GALM: variants seen among roughly 807,000 people sequenced by gnomAD.
The protein encoded by GALM is galactose mutarotase, also known as aldose 1-epimerase.
GALM carries 43 observed loss-of-function variants against 37.4 expected under a neutral mutation model. The ratio of observed to expected loss-of-function variants is 1.15; its 90% CI spans 0.90 to 1.48. The LOEUF is 1.48. Ranked by LOEUF, GALM falls within the 40% of genes most tolerant of loss-of-function variation. The probability of loss-of-function intolerance (pLI) is 0.00; values close to 1 mark genes in which losing one functional copy is unlikely to be tolerated. For missense variants in GALM, 456 were observed against 419.1 expected, an observed-to-expected ratio of 1.09 and a Z score of -0.77; for synonymous variants, 199 against 170.6, an observed-to-expected ratio of 1.17 and a Z score of -1.30.
intron 4 of GALM, among the ~76,000 whole-genome samples, chr2:38,704,746 T>C (rs1384534186): frequency 1.3e-5 from 2 of 151,958 alleles, no homozygotes; most frequent in East Asian, 1.9e-4. Context: ...ACTCATGACA[T>C]TGGACCCTAT....
intron 1 of GALM, among the ~76,000 whole-genome samples, chr2:38,672,667 T>C (rs551980663): frequency 8.2e-4 from 125 of 152,276 alleles, no homozygotes; most frequent in African/African-American, 3.0e-3. Context: ...TTTCCACATC[T>C]GTAAATTGGG....
intron 4 of GALM, among the ~76,000 whole-genome samples, chr2:38,690,462 G>T (rs1363144839): frequency 6.6e-6 from 1 of 151,848 alleles, no homozygotes; most frequent in African/African-American, 2.4e-5. Context: ...GAGGGGATAG[G>T]GTCTCATTCT....
chr2:38,679,902 C>T (rs1665353976), intron 2 of GALM, among the ~76,000 whole-genome samples: 2 of 152,148 alleles, frequency 1.3e-5, no homozygotes, highest in South Asian at 2.1e-4. Flanking sequence ...GATAAGTGTT[C>T]GTTTTCCCTT....
chr2:38,728,096 A>T (rs1013127113), intron 4 of GALM, among the ~76,000 whole-genome samples: 3 of 152,170 alleles, frequency 2.0e-5, no homozygotes, highest in Non-Finnish European at 4.4e-5. Context: ...CTCTGGGACT[A>T]TAAGAAAACT....
intron 1 of GALM, among the ~76,000 whole-genome samples, chr2:38,671,705 T>C (rs1665109653): frequency 6.6e-6 from 1 of 152,218 alleles, no homozygotes; most frequent in Non-Finnish European, 1.5e-5. Flanking sequence ...TTAAAAACTA[T>C]TCCTCCAGGG....
chr2:38,702,358 T>TA (rs1328147800), intron 4 of GALM, among the ~76,000 whole-genome samples: 6 of 149,542 alleles, frequency 4.0e-5, no homozygotes, highest in Non-Finnish European at 5.9e-5. Context: ...TTTTAAAACT[T>TA]AAAAAAAAAA....
intron 1 of GALM, among the ~76,000 whole-genome samples, chr2:38,673,762 A>G (rs563378071): frequency 6.7e-6 from 1 of 149,654 alleles, no homozygotes; most frequent in African/African-American, 2.5e-5. Flanking sequence ...GTGAGTTGAG[A>G]TCGTGCCACT....
At chr2:38,666,808 C>T (rs7590835) in intron 1 of GALM, among the ~76,000 whole-genome samples, 35,947 of 152,008 alleles carry the variant, frequency 0.24, 6,268 homozygotes, top group African/African-American at 0.48. Flanking sequence ...TCTTTGAGGC[C>T]TGGTTGTCTC....
chr2:38,667,556 C>G (rs1190342480), intron 1 of GALM, among the ~76,000 whole-genome samples: 2 of 147,408 alleles, frequency 1.4e-5, no homozygotes, highest in African/African-American at 5.0e-5. Flanking sequence ...GGTGGCAGAG[C>G]GAAACTCTAT....
intron 5 of GALM, among the ~76,000 whole-genome samples, chr2:38,730,498 C>T (rs867630415): frequency 2.0e-4 from 30 of 152,102 alleles, no homozygotes; most frequent in African/African-American, 7.0e-4. Flanking sequence ...AACTCCTGAC[C>T]TTGTAATCCA....
chr2:38,700,408 G>A (rs1401866651), intron 4 of GALM, among the ~76,000 whole-genome samples: 7 of 152,032 alleles, frequency 4.6e-5, no homozygotes, highest in Non-Finnish European at 1.0e-4. Context: ...GTATCTGGGC[G>A]CTCCAGTGTT....
intron 1 of GALM, among the ~76,000 whole-genome samples, 175 bp downstream of exon 1, chr2:38,666,526 G>C (rs1664942730): frequency 1.3e-5 from 2 of 152,196 alleles, no homozygotes; most frequent in African/African-American, 4.8e-5. Context: ...CCAGCATTTG[G>C]GAAAAACTGT....
chr2:38,672,301 GA>G (rs200755719), intron 1 of GALM, among the ~76,000 whole-genome samples: 2,063 of 152,100 alleles, frequency 0.014, 49 homozygotes, highest in African/African-American at 0.047. Context: ...TTGTTTTTTA[GA>G]AAAAAAATTC....
In GALM at chr2:38,729,675, A is replaced by G. The variant is rs763330082; in HGVS notation, c.754A>G (p.Lys252Glu). Residue 252 changes from lysine to glutamate, a missense_variant, in exon 5 of 7, where the codon AAA becomes GAA. Transcript: ENST00000272252. ...FDHNFCLKGS[K>E]EKHFCARVHH... is the part of the protein sequence containing the mutation. ...CCACAATTTCTGTCTGAAGGGATCT[A>G]AAGAAAAGCATTTTTGTGCAAGGTC... 6.2e-7 allele frequency: 1 copy of G among 1,613,258 alleles called. No homozygotes were observed. Among genetic ancestry groups the G allele is most frequent in the South Asian group, 1.1e-5 (1 of 91,026 alleles).
chr2:38,726,550 A>T (rs1303234110), intron 4 of GALM, among the ~76,000 whole-genome samples: 1 of 152,046 alleles, frequency 6.6e-6, no homozygotes, highest in African/African-American at 2.4e-5. Flanking sequence ...TAATCCCAAC[A>T]CAATGCTGTA....
At chr2:38,732,742 G>A (rs1029988427) in intron 6 of GALM, among the ~76,000 whole-genome samples, 5 of 151,430 alleles carry the variant, frequency 3.3e-5, no homozygotes. Context: ...AACACAGGGA[G>A]ACCCCATCTT....
chr2:38,687,324 A>G (rs576181805), intron 3 of GALM, among the ~76,000 whole-genome samples: 114 of 152,304 alleles, frequency 7.5e-4, no homozygotes, highest in African/African-American at 2.6e-3. Context: ...TGAGCTGTAG[A>G]AAGTGCAGAG....
At chr2:38,686,009 G>A (rs1019150867) in intron 3 of GALM, among the ~76,000 whole-genome samples, 1 of 151,798 alleles carries the variant, frequency 6.6e-6, no homozygotes, top group Admixed American at 6.6e-5. Flanking sequence ...CACCATGCCT[G>A]GCCACAAAGC....
At chr2:38,686,190 C>A (rs1359647545) in intron 3 of GALM, among the ~76,000 whole-genome samples, 1 of 143,194 alleles carries the variant, frequency 7.0e-6, no homozygotes, top group African/African-American at 2.7e-5. Flanking sequence ...TTCTCTAGTG[C>A]TTAAAAAAAA....
Sources: allele counts gnomAD v4.1 joint callset (sites outside exome capture counted in the v4.1 genomes callset), GRCh38; gene constraint gnomAD v4.1.1; transcripts MANE v1.5; gene names NCBI Gene and HGNC (gene_info 2026-07-23, HGNC 2026-07-21).